PYGM: variants seen among roughly 807,000 people sequenced by gnomAD.
PYGM encodes glycogen phosphorylase, muscle associated, also known as glycogen phosphorylase, muscle form.
A neutral mutation model predicts 99.3 loss-of-function variants in PYGM; 81 were observed. The ratio of observed to expected loss-of-function variants is 0.82; its 90% CI spans 0.68 to 0.98. The LOEUF (loss-of-function observed/expected upper bound fraction) is 0.98. Ranked by LOEUF, PYGM falls within the 50% of genes least tolerant of loss-of-function variation. PYGM has a pLI of 0.00. For synonymous variants in PYGM, 436 were observed against 451.5 expected (o/e 0.97, Z 0.44); for missense variants, 1,030 against 1,158.1 (o/e 0.89, Z 1.61).
rs1009359544 is a variant in PYGM, at chr11:64,747,352, A to G, written c.2184T>C (p.Asn728=). Residue 728 remains asparagine, a synonymous_variant, in exon 18 of 20, where the codon AAT becomes AAC. Transcript: ENST00000164139. Reference sequence around the variant, plus strand: ...GAATGCGATCGTAGTACTCCTGGGCATTGTACCTGCCAGGACAGAGCTGTG... The same window carrying G: ...GAATGCGATCGTAGTACTCCTGGGCGTTGTACCTGCCAGGACAGAGCTGTG... The part of the protein sequence containing the change: ...DVDKLDQRGY[N]AQEYYDRIPE... The G allele has an allele frequency of 5.6e-6, 9 of 1,614,068 alleles. No individual in the cohort carries two copies. Among genetic ancestry groups the G allele is most frequent in the Admixed American group, 3.3e-5 (2 of 60,000 alleles).
chr11:64,750,544 G>A lies in PYGM; in HGVS notation c.2009C>T (p.Ala670Val), dbSNP rs113806080. The A allele has an allele frequency of 4.2e-3, 6,769 of 1,614,162 alleles. 25 individuals are homozygous for A. Among genetic ancestry groups the A allele is most frequent in the Non-Finnish European group, 4.2e-3 (4,942 of 1,180,022 alleles). ...AADLSEQIST[A>V]GTEASGTGNM... ...GCCGGTGCCTGAGGCTTCAGTGCCC[G>A]CAGTGGAGATCTGCTCAGAGAGGTC... The change falls in exon 17 of 20, where the codon GCG becomes GTG. Residue 670 changes from alanine to valine, a missense_variant. Physicochemically the swap from Ala to Val is moderately conservative, Grantham distance 64. Transcript: ENST00000164139.
Position 64,752,355 on chromosome 11 carries a change from C to T in PYGM, c.1620+48G>A, listed in dbSNP as rs752968251. On this transcript the variant is annotated intron_variant, in intron 13 of 19. Transcript: ENST00000164139. ...GCCTGACCCAGACATCTGGCCCCTCCAGCGCTCTCCACACAGCACAGCTGT... is the reference window on the plus strand; with the variant it reads ...GCCTGACCCAGACATCTGGCCCCTCTAGCGCTCTCCACACAGCACAGCTGT... The T allele has an allele frequency of 3.1e-6, 5 of 1,589,498 alleles. No homozygotes were observed. In the Admixed American group the frequency reaches 8.3e-5, roughly 27 times the overall value.
In PYGM at chr11:64,753,510, G is replaced by A. The variant is rs777612401; in HGVS notation, c.1403+9C>T. The A allele has an allele frequency of 3.4e-5, 54 of 1,580,750 alleles. No homozygotes were observed. The highest frequency in any genetic ancestry group is 2.2e-5 in the Non-Finnish European group (26 of 1,168,222). On this transcript the variant is annotated intron_variant, in intron 11 of 19. Coordinates refer to ENST00000164139, the MANE Select transcript of PYGM (RefSeq NM_005609.4). ...TAGAGAGGGGCGGGATCTGGAAAGCGGGGCTCACATGGTCTTCTTGAGGAT... is the reference window on the plus strand; with the variant it reads ...TAGAGAGGGGCGGGATCTGGAAAGCAGGGCTCACATGGTCTTCTTGAGGAT...
rs763918119 is a variant in PYGM, at chr11:64,755,309, C to T, written c.819G>A (p.Ala273=). 2.2e-5 allele frequency: 35 copies of T among 1,613,978 alleles called. No individual in the cohort carries two copies. The highest frequency in any genetic ancestry group is 4.4e-5 in the South Asian group (4 of 91,076). ...GGTACAGGACACGAGAGATGTTCTC[C>T]GCCAGGTTTCGGTCCAACACAGCCT... ...YIQAVLDRNL[A]ENISRVLYPN... Residue 273 remains alanine (A), a synonymous_variant, in exon 7 of 20, where the codon GCG becomes GCA. Coordinates refer to ENST00000164139, the MANE Select transcript of PYGM (RefSeq NM_005609.4). The surrounding 1 kb of genome is among the most constrained non-coding windows in gnomAD (Gnocchi z 4.1).
chr11:64,750,338 C>G, intron 17 of PYGM, 38 bp downstream of exon 17: 1 of 1,610,928 alleles, frequency 6.2e-7, no homozygotes, highest in Non-Finnish European at 8.5e-7. Context: ...AGCAGCCACA[C>G]CTGGGTGTCT....
intron 5 of PYGM, among the ~76,000 whole-genome samples, chr11:64,757,111 C>T (rs1358095149): frequency 2.6e-5 from 4 of 152,068 alleles, no homozygotes; most frequent in Non-Finnish European, 5.9e-5. Flanking sequence ...TTTTTGTAGA[C>T]GGGGTTTCGC....
chr11:64,755,645 C>T lies in PYGM; in HGVS notation c.661-87G>A, dbSNP rs2058389809. On this transcript the variant is annotated intron_variant, in intron 5 of 19. Coordinates refer to ENST00000164139, the MANE Select transcript of PYGM (RefSeq NM_005609.4). The surrounding 1 kb of genome is among the most constrained non-coding windows in gnomAD (Gnocchi z 4.1). ...GCTGGGACTCAAGGCTTTATCCCTG[C>T]ACTCTGCAGACCCAGGCTCTTGTCC... 4.0e-6 allele frequency: 4 copies of T among 1,003,586 alleles called. No individual in the cohort carries two copies. The highest frequency in any genetic ancestry group is 6.2e-6 in the Non-Finnish European group (4 of 648,286). 62.2% of individuals were successfully genotyped at this position (1,003,586 alleles called of 1,614,324 possible).
At chr11:64,749,566 C>T (rs573677640) in intron 17 of PYGM, among the ~76,000 whole-genome samples, 54 of 150,946 alleles carry the variant, frequency 3.6e-4, no homozygotes, top group Middle Eastern at 3.4e-3. Context: ...GGTGTGAACC[C>T]AGGAGGCGGA....
At chr11:64,753,223 C>T (rs770316729) in intron 11 of PYGM, 36 bp from the exon 12 acceptor site, 1 of 1,551,536 alleles carries the variant, frequency 6.4e-7, no homozygotes, top group African/African-American at 1.4e-5. Context: ...CACCACTCAC[C>T]CCTGTACAAT....
intron 17 of PYGM, among the ~76,000 whole-genome samples, chr11:64,750,061 G>C (rs1446278116): frequency 1.3e-5 from 2 of 152,088 alleles, no homozygotes; most frequent in Admixed American, 1.3e-4. Context: ...CAAAGTGCTG[G>C]GATTACAGGT....
At chr11:64,751,772 C>T in intron 14 of PYGM, 117 bp from the exon 15 acceptor site, 1 of 1,524,488 alleles carries the variant, frequency 6.6e-7, no homozygotes, top group Non-Finnish European at 9.0e-7. Flanking sequence ...GCTATGCTCT[C>T]TTAGCCTCAG....
At position 64,752,064 on chromosome 11, in the gene PYGM, T is replaced by G. The variant is rs119103252; in HGVS notation, c.1628A>C (p.Lys543Thr). The G allele has an allele frequency of 6.2e-7, 1 of 1,612,974 alleles. No individual in the cohort carries two copies. The highest frequency in any genetic ancestry group is 8.5e-7 in the Non-Finnish European group (1 of 1,179,560). ...CTCTAGGTAGGCAGCAAACTTCAAC[T>G]TGTTTTCCTGGAGGCAGAGACGGGG... ...RDVAKVKQEN[K>T]LKFAAYLERE... The change falls in exon 14 of 20, where the codon AAG becomes ACG. Residue 543 changes from lysine to threonine, a missense_variant. Lys to Thr is a moderately conservative substitution (Grantham distance 78, BLOSUM62 -1). Coordinates refer to ENST00000164139, the MANE Select transcript of PYGM (RefSeq NM_005609.4).
chr11:64,749,679 T>A (rs1453149322), intron 17 of PYGM, among the ~76,000 whole-genome samples: 1 of 151,920 alleles, frequency 6.6e-6, no homozygotes, highest in African/African-American at 2.4e-5. Flanking sequence ...AAAATAAAAT[T>A]TTTTAATGTA....
At chr11:64,753,795 G>C in intron 10 of PYGM, 84 bp downstream of exon 10, 1 of 1,545,660 alleles carries the variant, frequency 6.5e-7, no homozygotes, top group Admixed American at 2.0e-5. Context: ...GAGTCTCAGG[G>C]CCCTGGCTGG....
chr11:64,753,502 T>C lies in PYGM; in HGVS notation c.1403+17A>G. 1 of 1,573,000 alleles carries C rather than the reference T, an allele frequency of 6.4e-7. No individual in the cohort carries two copies. Among genetic ancestry groups the C allele is most frequent in the South Asian group, 1.1e-5 (1 of 87,514 alleles). On this transcript the variant is annotated intron_variant, in intron 11 of 19. Transcript: ENST00000164139. ...GTGGGGCCTAGAGAGGGGCGGGATC[T>C]GGAAAGCGGGGCTCACATGGTCTTC...
chr11:64,757,151 G>A (rs2058399115), intron 5 of PYGM, among the ~76,000 whole-genome samples: 1 of 152,014 alleles, frequency 6.6e-6, no homozygotes, highest in South Asian at 2.1e-4. Flanking sequence ...TCGAACTCCT[G>A]AGCTCAAGCA....
At chr11:64,747,399 TC>T in intron 17 of PYGM, 41 bp from the exon 18 acceptor site, 1 of 1,613,378 alleles carries the variant, frequency 6.2e-7, no homozygotes, top group Non-Finnish European at 8.5e-7. Flanking sequence ...GGAAAGGGGT[TC>T]CTGGCTCCTC....
In PYGM at chr11:64,752,483, A is replaced by C. The variant is rs1287109702; in HGVS notation, c.1540T>G (p.Ser514Ala). Residue 514 changes from serine to alanine, a missense_variant, in exon 13 of 20, where the codon TCT becomes GCT. By Grantham distance (99) the Ser-to-Ala change is moderately conservative. Transcript: ENST00000164139. ...AGTTTGCGCAGCTGGTCCAGGTCAG[A>C]GATGAAGTCCTCCCCGATGCGCTAT... Reference protein sequence around the residue: ...IAERIGEDFISDLDQLRKLLS... With the variant: ...IAERIGEDFIADLDQLRKLLS... 16 of 1,614,060 alleles carry C rather than the reference A, an allele frequency of 9.9e-6. No individual in the cohort carries two copies. Among genetic ancestry groups the C allele is most frequent in the African/African-American group, 1.3e-5 (1 of 74,938 alleles).
rs1194180857 is a variant in PYGM, at chr11:64,752,425, C to G, written c.1598G>C (p.Arg533Pro). Reference sequence around the variant, plus strand: ...CACCTGCTTCACTTTGGCCACATCCCGAATGAAAGCTTCATCATCCACAAA... The same window carrying G: ...CACCTGCTTCACTTTGGCCACATCCGGAATGAAAGCTTCATCATCCACAAA... ...LSFVDDEAFI[R>P]DVAKVKQENK... is the part of the protein sequence containing the mutation. The change falls in exon 13 of 20, where the codon CGG (arginine) becomes CCG (proline). Residue 533 changes from arginine to proline, a missense_variant. Arg to Pro is a moderately radical substitution (Grantham distance 103). Transcript: ENST00000164139. 6.2e-7 allele frequency: 1 copy of G among 1,614,210 alleles called. No individual in the cohort carries two copies.
Sources: allele counts gnomAD v4.1 joint callset (sites outside exome capture counted in the v4.1 genomes callset), GRCh38; gene constraint gnomAD v4.1.1; non-coding constraint Gnocchi (gnomAD v3.1); transcripts MANE v1.5; gene names NCBI Gene and HGNC (gene_info 2026-07-23, HGNC 2026-07-21).